DEFB126: variants seen among roughly 807,000 people sequenced by gnomAD.
DEFB126 encodes defensin beta 126.
DEFB126 carries 2 observed loss-of-function variants against 2.5 expected under a neutral mutation model. The ratio of observed to expected loss-of-function variants is 0.79; its 90% CI spans 0.32 to 2.49. The LOEUF (loss-of-function observed/expected upper bound fraction) is 2.49, where lower values mean the gene tolerates loss of function less well. Ranked by LOEUF, DEFB126 falls within the 30% of genes most tolerant of loss-of-function variation. DEFB126 has a pLI of 0.11. For synonymous variants in DEFB126, 51 were observed against 45.4 expected (o/e 1.12, Z -0.50); for missense variants, 136 against 135.4 (o/e 1.00, Z -0.02).
In DEFB126 at chr20:145,746, G is replaced by A; in HGVS notation, c.*54G>A. On this transcript the variant is annotated 3_prime_UTR_variant, in exon 2 of 2. Transcript: ENST00000382398. ...GATCCCCGACTCATTAAAGCAAAGAGGCTTATTCTGGTGTCAGTTTTCTCT... is the reference window on the plus strand; with the variant it reads ...GATCCCCGACTCATTAAAGCAAAGAAGCTTATTCTGGTGTCAGTTTTCTCT... 1.3e-6 allele frequency: 2 copies of A among 1,558,798 alleles called. No homozygotes were observed. The highest frequency in any genetic ancestry group is 8.7e-7 in the Non-Finnish European group (1 of 1,156,012).
chr20:145,668 T>C lies in DEFB126; in HGVS notation c.312T>C (p.Pro104=). 6.4e-7 allele frequency: 1 copy of C among 1,563,044 alleles called. No individual in the cohort carries two copies. The highest frequency in any genetic ancestry group is 8.6e-7 in the Non-Finnish European group (1 of 1,157,924). Residue 104 remains proline (P), a synonymous_variant, in exon 2 of 2, where the codon CCT becomes CCC. Coordinates refer to ENST00000382398, the MANE Select transcript of DEFB126 (RefSeq NM_030931.4). ...MTTASMSSMA[P]TPVSPTG ...CTGCTTCGATGTCTTCGATGGCTCC[T>C]ACCCCCGTTTCTCCCACTGGTTGAA...
Position 145,504 on chromosome 20 carries a change from G to A in DEFB126, c.148G>A (p.Ala50Thr). ...AGAGATGCATGTAAAGAATGGTTGGGCAATGTGCGGCAAACAAAGGGACTG... is the reference window on the plus strand; with the variant it reads ...AGAGATGCATGTAAAGAATGGTTGGACAATGTGCGGCAAACAAAGGGACTG... Reference protein sequence around the residue: ...PEEMHVKNGWAMCGKQRDCCV... With the variant: ...PEEMHVKNGWTMCGKQRDCCV... Residue 50 changes from alanine (A) to threonine (T), a missense_variant, in exon 2 of 2, where the codon GCA (alanine) becomes ACA (threonine). Ala to Thr is a moderately conservative substitution (Grantham distance 58). Coordinates refer to ENST00000382398, the MANE Select transcript of DEFB126 (RefSeq NM_030931.4). The A allele has an allele frequency of 6.2e-7, 1 of 1,607,754 alleles. No homozygotes were observed. The highest frequency in any genetic ancestry group is 8.5e-7 in the Non-Finnish European group (1 of 1,178,286).
intron 1 of DEFB126, among the ~76,000 whole-genome samples, chr20:145,158 A>G (rs1424313769): frequency 2.0e-5 from 3 of 152,204 alleles, no homozygotes; most frequent in African/African-American, 4.8e-5. Context: ...ATTTAAAATC[A>G]TGGGGAATTG....
At chr20:142,835 G>C in intron 1 of DEFB126, 149 bp downstream of exon 1, 1 of 830,220 alleles carries the variant, frequency 1.2e-6, no homozygotes, top group Non-Finnish European at 2.0e-6. Context: ...GACCACCTCT[G>C]TTCTAAGAAA....
In DEFB126 at chr20:145,509, G is replaced by A. The variant is rs112386635; in HGVS notation, c.153G>A (p.Met51Ile). ...TGCATGTAAAGAATGGTTGGGCAAT[G>A]TGCGGCAAACAAAGGGACTGCTGTG... ...EEMHVKNGWA[M>I]CGKQRDCCVP... The change falls in exon 2 of 2, where the codon ATG (methionine) becomes ATA (isoleucine). Residue 51 changes from methionine (M) to isoleucine (I), a missense_variant. Met to Ile is a conservative substitution (Grantham distance 10, BLOSUM62 1). Transcript: ENST00000382398. The A allele has an allele frequency of 6.2e-7, 1 of 1,607,794 alleles. No individual in the cohort carries two copies. The highest frequency in any genetic ancestry group is 8.5e-7 in the Non-Finnish European group (1 of 1,178,286).
chr20:142,767 T>C, intron 1 of DEFB126, 81 bp downstream of exon 1: 1 of 1,462,668 alleles, frequency 6.8e-7, no homozygotes, highest in South Asian at 1.1e-5. Context: ...AAGTGGTCTG[T>C]GGAAATGGGG....
In DEFB126 at chr20:145,700, A is replaced by G. The variant is rs1463383419; in HGVS notation, c.*8A>G. The stretch of plus-strand genomic sequence containing the variant: ...GTTTCTCCCACTGGTTGAACATTCC[A>G]GCCTCTGTCTCCTGCTCTAGGATCC... On this transcript the variant is annotated 3_prime_UTR_variant, in exon 2 of 2. Transcript: ENST00000382398. 1 of 1,607,334 alleles carries G rather than the reference A, an allele frequency of 6.2e-7. No individual in the cohort carries two copies. The highest frequency in any genetic ancestry group is 1.7e-5 in the Admixed American group (1 of 59,952).
At chr20:145,301 T>A in intron 1 of DEFB126, 114 bp from the exon 2 acceptor site, 1 of 1,010,768 alleles carries the variant, frequency 9.9e-7, no homozygotes, top group Non-Finnish European at 1.4e-6. Context: ...AGGAAAAACA[T>A]GCTAAAGCAA....
intron 1 of DEFB126, among the ~76,000 whole-genome samples, chr20:144,573 C>G (rs932404638): frequency 2.6e-5 from 4 of 152,112 alleles, no homozygotes; most frequent in Admixed American, 6.6e-5. Flanking sequence ...AGGCACTCAT[C>G]ATATACTTGT....
chr20:144,501 T>G (rs966039442), intron 1 of DEFB126, among the ~76,000 whole-genome samples: 6 of 152,128 alleles, frequency 3.9e-5, no homozygotes, highest in African/African-American at 1.4e-4. Flanking sequence ...TGTAAGGTCC[T>G]CAAATCATGT....
intron 1 of DEFB126, 44 bp from the exon 2 acceptor site, chr20:145,371 G>A (rs1379700935): frequency 1.9e-6 from 3 of 1,572,398 alleles, no homozygotes; most frequent in Non-Finnish European, 2.6e-6. Flanking sequence ...ATCCTCCTGT[G>A]ATAAATACTT....
At position 145,618 on chromosome 20, in the gene DEFB126, G is replaced by GCAACAACAA. The variant is rs773315942; in HGVS notation, c.264_272dup (p.Thr89_Thr91dup). 6.2e-7 allele frequency: 1 copy of GCAACAACAA among 1,613,934 alleles called. No homozygotes were observed. The highest frequency in any genetic ancestry group is 8.5e-7 in the Non-Finnish European group (1 of 1,179,912). ...AATTTCAACAGTAACAGCAACAACA[G>GCAACAACAA]CAACAACAACTTTGATGATGACTAC... On this transcript the variant is annotated inframe_insertion, in exon 2 of 2. Coordinates refer to ENST00000382398, the MANE Select transcript of DEFB126 (RefSeq NM_030931.4).
chr20:145,568 T>G lies in DEFB126; in HGVS notation c.212T>G (p.Phe71Cys), dbSNP rs2054664121. ...GACAGACGTGCTAATTATCCTGTTTTCTGTGTCCAGACAAAGACTACAAGA... is the reference window on the plus strand; with the variant it reads ...GACAGACGTGCTAATTATCCTGTTTGCTGTGTCCAGACAAAGACTACAAGA... ...PADRRANYPVFCVQTKTTRIS... is the reference protein window; with the variant it reads ...PADRRANYPVCCVQTKTTRIS... The change falls in exon 2 of 2, where the codon TTC becomes TGC. Residue 71 changes from phenylalanine (F) to cysteine (C), a missense_variant. Physicochemically the swap from Phe to Cys is radical, Grantham distance 205. Transcript: ENST00000382398. 1 of 1,613,876 alleles carries G rather than the reference T, an allele frequency of 6.2e-7. No individual in the cohort carries two copies. Among genetic ancestry groups the G allele is most frequent in the Admixed American group, 1.7e-5 (1 of 59,956 alleles).
In DEFB126 at chr20:145,618, GCAA is replaced by G. The variant is rs773315942; in HGVS notation, c.270_272del (p.Thr91del). 1.2e-4 allele frequency: 194 copies of G among 1,613,934 alleles called. No individual in the cohort carries two copies. Among genetic ancestry groups the G allele is most frequent in the African/African-American group, 8.4e-4 (63 of 75,008 alleles). On this transcript the variant is annotated inframe_deletion, in exon 2 of 2. Transcript: ENST00000382398. ...AATTTCAACAGTAACAGCAACAACAGCAACAACAACTTTGATGATGACTACTGC... is the reference window on the plus strand; with the variant it reads ...AATTTCAACAGTAACAGCAACAACAGCAACAACTTTGATGATGACTACTGC...
intron 1 of DEFB126, among the ~76,000 whole-genome samples, chr20:144,706 G>A (rs546991093): frequency 4.1e-4 from 63 of 152,154 alleles, no homozygotes; most frequent in African/African-American, 1.5e-3. Flanking sequence ...CACATATATA[G>A]GCAAACCCTG....
chr20:145,027 C>T (rs941138127), intron 1 of DEFB126, among the ~76,000 whole-genome samples: 1 of 152,096 alleles, frequency 6.6e-6, no homozygotes, highest in African/African-American at 2.4e-5. Flanking sequence ...ATTATTTTAG[C>T]ATTTCTTATT....
Position 145,670 on chromosome 20 carries a change from C to T in DEFB126, c.314C>T (p.Thr105Ile). 3.1e-6 allele frequency: 1 copy of T among 318,512 alleles called. No homozygotes were observed. The highest frequency in any genetic ancestry group is 4.3e-6 in the Non-Finnish European group (1 of 231,288). The allele number at this position is 318,512 out of a possible 1,614,324, so 19.7% of individuals were successfully genotyped here. ...TTASMSSMAP[T>I]PVSPTG ...GCTTCGATGTCTTCGATGGCTCCTA[C>T]CCCCGTTTCTCCCACTGGTTGAACA... The change falls in exon 2 of 2, where the codon ACC becomes ATC. Residue 105 changes from threonine (T) to isoleucine (I), a missense_variant. Thr to Ile is a moderately conservative substitution (Grantham distance 89). Transcript: ENST00000382398.
chr20:142,703 G>T lies in DEFB126; in HGVS notation c.58+17G>T. ...TGGTCTCAGGTAAACAGAATCTTGG[G>T]GAAGAAGAAACACTGGCCTGGAACA... On this transcript the variant is annotated intron_variant, in intron 1 of 1. Coordinates refer to ENST00000382398, the MANE Select transcript of DEFB126 (RefSeq NM_030931.4). 1 of 1,613,190 alleles carries T rather than the reference G, an allele frequency of 6.2e-7. No individual in the cohort carries two copies.
chr20:142,616 C>G lies in DEFB126; in HGVS notation c.-13C>G. ...TAGAGACTTCTGGACTCTATAGAACCCACTGCCTCCTGATGAAGTCCCTAC... is the reference window on the plus strand; with the variant it reads ...TAGAGACTTCTGGACTCTATAGAACGCACTGCCTCCTGATGAAGTCCCTAC... On this transcript the variant is annotated 5_prime_UTR_variant, in exon 1 of 2. Transcript: ENST00000382398. The G allele has an allele frequency of 1.9e-6, 3 of 1,613,628 alleles. No homozygotes were observed. Among genetic ancestry groups the G allele is most frequent in the Non-Finnish European group, 2.5e-6 (3 of 1,179,630 alleles).
Sources: gnomAD v4.1 joint callset for allele counts (sites outside exome capture counted in the v4.1 genomes callset) on GRCh38, gnomAD v4.1.1 for gene constraint, MANE v1.5 for transcripts, NCBI Gene and HGNC (gene_info 2026-07-23, HGNC 2026-07-21) for gene names.